PPP2R1B: variants seen among roughly 807,000 people sequenced by gnomAD.
The protein encoded by PPP2R1B is protein phosphatase 2 scaffold subunit Abeta.
Under a neutral mutation model 72.7 loss-of-function variants are expected in PPP2R1B, and 58 were observed. That is an observed-to-expected ratio of 0.80 (90% CI 0.65 to 0.99). The LOEUF is 0.99. Ranked by LOEUF, PPP2R1B falls within the 50% of genes least tolerant of loss-of-function variation. The pLI is 0.00. For missense variants in PPP2R1B, 695 were observed against 733.6 expected, an observed-to-expected ratio of 0.95 and a Z score of 0.61; for synonymous variants, 256 against 264.6, an observed-to-expected ratio of 0.97 and a Z score of 0.32.
downstream of PPP2R1B, chr11:111,724,375 C>G (rs937711388): frequency 1.9e-5 from 10 of 536,364 alleles, no homozygotes; most frequent in Non-Finnish European, 3.0e-5. Flanking sequence ...GCCCTTCGGT[C>G]GAGTGGAGCA....
the PPP2R1B span, among the ~76,000 whole-genome samples, chr11:111,696,611 G>C: frequency 6.6e-6 from 1 of 152,210 alleles, no homozygotes; most frequent in Admixed American, 6.5e-5. Context: ...TTGCTTTCTA[G>C]CAGGGCTAGG....
intron 1 of PPP2R1B, 43 bp downstream of exon 1, chr11:111,766,205 G>A (rs1945532957): frequency 1.0e-5 from 16 of 1,599,614 alleles, no homozygotes; most frequent in African/African-American, 1.3e-5. Context: ...TCTACCACGC[G>A]ACCAGCCGGT....
At position 111,739,671 on chromosome 11, in the gene PPP2R1B, T is replaced by C. The variant is rs1212549459; in HGVS notation, c.*1925A>G. ...GGCATTTCCAACCAGAGTAAAGCAA[T>C]GGTTCCAGTGCAAATCTGCTTCATG... is the stretch of plus-strand genomic sequence containing the variant. On this transcript the variant is annotated 3_prime_UTR_variant, in exon 15 of 15. Transcript: ENST00000527614. 1 of 985,450 alleles carries C rather than the reference T, an allele frequency of 1.0e-6. No individual in the cohort carries two copies. Among genetic ancestry groups the C allele is most frequent in the Non-Finnish European group, 1.2e-6 (1 of 829,930 alleles). 61.0% of individuals were successfully genotyped at this position (985,450 alleles called of 1,614,324 possible). A position where few individuals can be genotyped will look rare whatever the true frequency, so the allele number is the denominator to read the frequency against.
intron 11 of PPP2R1B, among the ~76,000 whole-genome samples, chr11:111,745,592 C>G (rs1380595478): frequency 6.6e-6 from 1 of 152,178 alleles, no homozygotes; most frequent in African/African-American, 2.4e-5. Context: ...CTATTTCTGT[C>G]TCTTTCTCTC....
chr11:111,725,330 CAA>C (rs1330545430), downstream of PPP2R1B: 1 of 152,628 alleles, frequency 6.6e-6, no homozygotes, highest in Non-Finnish European at 1.5e-5. Context: ...ATGAAATGTT[CAA>C]GTATTACAGC....
the PPP2R1B span, chr11:111,712,360 T>C: frequency 6.2e-7 from 1 of 1,614,090 alleles, no homozygotes; most frequent in Non-Finnish European, 8.5e-7. Flanking sequence ...AAGAAGAGTG[T>C]GTGGACACTC....
In PPP2R1B at chr11:111,740,190, T is replaced by C. The variant is rs1448372118; in HGVS notation, c.*1406A>G. The C allele has an allele frequency of 5.1e-6, 5 of 985,086 alleles. No individual in the cohort carries two copies. The highest frequency in any genetic ancestry group is 5.2e-4 in the Middle Eastern group (1 of 1,934). 61.0% of individuals were successfully genotyped at this position (985,086 alleles called of 1,614,324 possible). A position where few individuals can be genotyped will look rare whatever the true frequency, so the allele number is the denominator to read the frequency against. On this transcript the variant is annotated 3_prime_UTR_variant, in exon 15 of 15. Transcript: ENST00000527614. ...GGAAAACCCCCTTAACCAAAAGTCA[T>C]GAGACAAGGTGAGTTTGATTATGTG...
chr11:111,764,672 A>G (rs1945452301), intron 3 of PPP2R1B, 133 bp downstream of exon 3: 3 of 876,366 alleles, frequency 3.4e-6, no homozygotes, highest in South Asian at 3.5e-5. Context: ...TATTCTCTCA[A>G]TGACTAACAT....
In PPP2R1B at chr11:111,741,003, A is replaced by T; in HGVS notation, c.*593T>A. The T allele has an allele frequency of 6.1e-6, 6 of 985,722 alleles. No homozygotes were observed. The highest frequency in any genetic ancestry group is 7.2e-6 in the Non-Finnish European group (6 of 830,128). 61.1% of individuals were successfully genotyped at this position (985,722 alleles called of 1,614,324 possible). On this transcript the variant is annotated 3_prime_UTR_variant, in exon 15 of 15. Transcript: ENST00000527614. ...AATGACATGAGTACAGACAAAATTG[A>T]GCAAATAAAAACCAAAACAACCACT... is the stretch of plus-strand genomic sequence containing the variant.
downstream of PPP2R1B, chr11:111,723,626 C>A (rs765575944): frequency 6.2e-7 from 1 of 1,613,662 alleles, no homozygotes; most frequent in Non-Finnish European, 8.5e-7. Flanking sequence ...GGAGACTCCA[C>A]CGCCTTCTCA....
the PPP2R1B span, among the ~76,000 whole-genome samples, chr11:111,709,567 G>A: frequency 2.0e-5 from 3 of 152,290 alleles, no homozygotes; most frequent in South Asian, 2.1e-4. Context: ...TAATCATTGC[G>A]TATTGACACT....
chr11:111,694,845 A>C, the PPP2R1B span, among the ~76,000 whole-genome samples: 1 of 152,126 alleles, frequency 6.6e-6, no homozygotes, highest in South Asian at 2.1e-4. Flanking sequence ...ATTTAAGCTA[A>C]GGAAGATTAT....
chr11:111,701,533 G>C, the PPP2R1B span: 1 of 1,613,926 alleles, frequency 6.2e-7, no homozygotes. This position sits in a 1 kb window ranked among gnomAD's most constrained non-coding sequence, Gnocchi z 4.2. Context: ...GAGGCAGAGG[G>C]TTCTGGAAGG....
chr11:111,747,139 T>C (rs1203666582), intron 11 of PPP2R1B, among the ~76,000 whole-genome samples: 1 of 152,068 alleles, frequency 6.6e-6, no homozygotes, highest in Admixed American at 6.6e-5. Context: ...CACCAAAACA[T>C]GGAAACAAAG....
At chr11:111,705,210 TATACAC>T in the PPP2R1B span, 1 of 1,423,792 alleles carries the variant, frequency 7.0e-7, no homozygotes. The surrounding 1 kb of genome is among the most constrained non-coding windows in gnomAD (Gnocchi z 4.3). Context: ...TTTTTCATCT[TATACAC>T]AGGGTTAGGA....
At chr11:111,742,440 A>C in intron 13 of PPP2R1B, 83 bp downstream of exon 13, 1 of 1,435,906 alleles carries the variant, frequency 7.0e-7, no homozygotes, top group Non-Finnish European at 9.4e-7. Context: ...AAATCCCTGA[A>C]CTTAATTTTA....
At chr11:111,724,504 T>C (rs1943908693), downstream of PPP2R1B, 1 of 219,772 alleles carries the variant, frequency 4.6e-6, no homozygotes, top group Non-Finnish European at 9.1e-6. Context: ...AAAGGGTGTG[T>C]GCTATTGCAT....
chr11:111,742,569 T>G lies in PPP2R1B; in HGVS notation c.1651A>C (p.Asn551His). Residue 551 changes from asparagine (N) to histidine (H), a missense_variant, in exon 13 of 15, where the codon AAT becomes CAT. Physicochemically the swap from Asn to His is moderately conservative, Grantham distance 68 (BLOSUM62 1). Transcript: ENST00000527614. ...ATCTTTTGTAGAGATTTGGCCACATTGAAGCGAACATTTGCTACTTGGTCT... is the reference window on the plus strand; with the variant it reads ...ATCTTTTGTAGAGATTTGGCCACATGGAAGCGAACATTTGCTACTTGGTCT... ...AGDQVANVRF[N>H]VAKSLQKIGP... 6.2e-7 allele frequency: 1 copy of G among 1,613,918 alleles called. No individual in the cohort carries two copies. The highest frequency in any genetic ancestry group is 8.5e-7 in the Non-Finnish European group (1 of 1,179,962).
At chr11:111,693,282 C>T in the PPP2R1B span, among the ~76,000 whole-genome samples, 69 of 150,772 alleles carry the variant, frequency 4.6e-4, no homozygotes, top group Middle Eastern at 3.4e-3. Flanking sequence ...TGCAGTGAGC[C>T]GAGATTGTGC....
Sources: gnomAD v4.1 joint callset for allele counts (sites outside exome capture counted in the v4.1 genomes callset) on GRCh38, gnomAD v4.1.1 for gene constraint, Gnocchi (gnomAD v3.1) non-coding constraint, MANE v1.5 for transcripts, NCBI Gene and HGNC (gene_info 2026-07-23, HGNC 2026-07-21) for gene names.